Variants in GRM5 observed in about 807,000 individuals in gnomAD.
GRM5 encodes glutamate metabotropic receptor 5.
Under a neutral mutation model 83.1 loss-of-function variants are expected in GRM5, and 19 were observed. That is an observed-to-expected ratio of 0.23 (90% CI 0.16 to 0.34). The LOEUF is 0.34. GRM5 is among the 10% of genes least tolerant of loss of function. The pLI is 1.00. For missense variants in GRM5, 1,160 were observed against 1,588.3 expected (o/e 0.73, Z 4.58); for synonymous variants, 675 against 633.6 (o/e 1.07, Z -0.98).
intron 3 of GRM5, among the ~76,000 whole-genome samples, chr11:88,736,939 G>A (rs1409710543): frequency 6.6e-6 from 1 of 152,072 alleles, no homozygotes; most frequent in Admixed American, 6.6e-5. Context: ...TTGTCGCACA[G>A]CCTCCAAGTC....
chr11:88,922,862 G>A (rs1440521745), intron 2 of GRM5, among the ~76,000 whole-genome samples: 1 of 151,930 alleles, frequency 6.6e-6, no homozygotes, highest in Non-Finnish European at 1.5e-5. Context: ...TATATAAGAA[G>A]CTCAAGCAAC....
At chr11:88,931,550 C>G (rs1937706535) in intron 2 of GRM5, among the ~76,000 whole-genome samples, 1 of 151,890 alleles carries the variant, frequency 6.6e-6, no homozygotes, top group Non-Finnish European at 1.5e-5. Flanking sequence ...AAGAAGAAAC[C>G]AAAAGCAGGG....
intron 3 of GRM5, among the ~76,000 whole-genome samples, chr11:88,808,000 T>C (rs1943525394): frequency 6.6e-6 from 1 of 152,164 alleles, no homozygotes; most frequent in East Asian, 1.9e-4. Context: ...TATGTTTTCA[T>C]AGAATATTCA....
intron 7 of GRM5, among the ~76,000 whole-genome samples, chr11:88,575,566 T>C (rs1261557326): frequency 6.6e-6 from 1 of 152,232 alleles, no homozygotes. Context: ...AAATATTTGA[T>C]AGCTTTATCT....
chr11:89,050,788 GATC>G (rs1410511316), intron 1 of GRM5, among the ~76,000 whole-genome samples: 5 of 152,158 alleles, frequency 3.3e-5, no homozygotes, highest in African/African-American at 9.7e-5. Flanking sequence ...TAAAAAATGA[GATC>G]ATGTTTTCTG....
intron 3 of GRM5, among the ~76,000 whole-genome samples, chr11:88,773,201 T>C (rs1462544305): frequency 1.3e-5 from 2 of 152,226 alleles, no homozygotes; most frequent in Non-Finnish European, 2.9e-5. Flanking sequence ...TGATGGCCAG[T>C]GATGATGAGC....
intron 4 of GRM5, among the ~76,000 whole-genome samples, chr11:88,637,987 T>G (rs35564465): frequency 0.13 from 20,092 of 151,484 alleles, 1,636 homozygotes; most frequent in Middle Eastern, 0.18. Context: ...AAAAAATGAT[T>G]AGTTCATGTC....
chr11:89,058,557 G>A (rs1051423030), intron 1 of GRM5, among the ~76,000 whole-genome samples: 1 of 152,186 alleles, frequency 6.6e-6, no homozygotes, highest in Non-Finnish European at 1.5e-5. Flanking sequence ...ATCAGTCTTA[G>A]AAATTCTCTA....
chr11:88,654,777 A>ATT (rs112062521), intron 3 of GRM5, among the ~76,000 whole-genome samples: 1 of 151,236 alleles, frequency 6.6e-6, no homozygotes, highest in African/African-American at 2.4e-5. Flanking sequence ...TGCCCTTAAC[A>ATT]TTTTTTTTTC....
At chr11:88,710,782 TAGA>T (rs1379326530) in intron 3 of GRM5, among the ~76,000 whole-genome samples, 2 of 151,938 alleles carry the variant, frequency 1.3e-5, no homozygotes, top group African/African-American at 4.8e-5. Flanking sequence ...GCATTGCAGG[TAGA>T]AGAAACAGGA....
At chr11:88,769,417 A>G (rs1041529373) in intron 3 of GRM5, among the ~76,000 whole-genome samples, 5 of 152,074 alleles carry the variant, frequency 3.3e-5, no homozygotes, top group Non-Finnish European at 5.9e-5. Context: ...GCACTAGAGC[A>G]GTAATGAGTA....
intron 2 of GRM5, among the ~76,000 whole-genome samples, chr11:88,947,370 T>C (rs4592423): frequency 6.6e-6 from 1 of 152,154 alleles, no homozygotes; most frequent in African/African-American, 2.4e-5. Context: ...TTTACTTGCC[T>C]GCCAATGCCT....
intron 1 of GRM5, among the ~76,000 whole-genome samples, chr11:89,056,873 T>C (rs1219921208): frequency 1.3e-5 from 2 of 152,160 alleles, no homozygotes; most frequent in Non-Finnish European, 2.9e-5. Context: ...AGTAAATTAA[T>C]TACTAGCACA....
chr11:88,652,463 G>C (rs1939656760), intron 4 of GRM5, among the ~76,000 whole-genome samples: 1 of 151,896 alleles, frequency 6.6e-6, no homozygotes, highest in South Asian at 2.1e-4. Flanking sequence ...TAAACACTTA[G>C]TTATCATATC....
chr11:89,017,442 A>T (rs144670868), intron 2 of GRM5, among the ~76,000 whole-genome samples: 36 of 152,262 alleles, frequency 2.4e-4, no homozygotes, highest in African/African-American at 7.9e-4. Flanking sequence ...TCCTCCTTCC[A>T]CCAGCTACTG....
chr11:88,700,461 C>A (rs1308152400), intron 3 of GRM5, among the ~76,000 whole-genome samples: 2 of 152,118 alleles, frequency 1.3e-5, no homozygotes, highest in African/African-American at 4.8e-5. Context: ...GCAATAGAGA[C>A]AACAGCTGGG....
intron 4 of GRM5, among the ~76,000 whole-genome samples, chr11:88,615,949 A>G (rs1336515856): frequency 6.6e-6 from 1 of 152,156 alleles, no homozygotes; most frequent in Non-Finnish European, 1.5e-5. Context: ...TCAACTATTA[A>G]GAGCAGCAGA....
chr11:88,615,650 A>T (rs1404614397), intron 4 of GRM5, among the ~76,000 whole-genome samples: 1 of 70,330 alleles, frequency 1.4e-5, no homozygotes, highest in South Asian at 3.2e-4. Flanking sequence ...TTAAGAAACT[A>T]AAAAAAAAAA....
intron 2 of GRM5, among the ~76,000 whole-genome samples, chr11:88,866,008 A>T (rs1455945636): frequency 6.6e-6 from 1 of 152,152 alleles, no homozygotes; most frequent in African/African-American, 2.4e-5. Context: ...GCGATTCCTC[A>T]AGGATCTAGA....
Sources: allele counts gnomAD v4.1 joint callset (sites outside exome capture counted in the v4.1 genomes callset), GRCh38; gene constraint gnomAD v4.1.1; transcripts MANE v1.5; gene names NCBI Gene and HGNC (gene_info 2026-07-23, HGNC 2026-07-21).